The following FSTL5 variants were observed in gnomAD, a reference collection of about 807,000 sequenced individuals.
The protein encoded by FSTL5 is follistatin like 5, also known as follistatin-related protein 5.
Under a neutral mutation model 89.1 loss-of-function variants are expected in FSTL5, and 62 were observed. The ratio of observed to expected loss-of-function variants is 0.70; its 90% CI spans 0.57 to 0.86. The LOEUF (loss-of-function observed/expected upper bound fraction) is 0.86, where lower values mean the gene tolerates loss of function less well. Among genes scored for constraint, FSTL5 ranks in the 40% least tolerant of loss-of-function variants. FSTL5 has a pLI of 0.00. For synonymous variants in FSTL5, 383 were observed against 346.2 expected, an observed-to-expected ratio of 1.11 and a Z score of -1.18; for missense variants, 1,057 against 1,001.6, an observed-to-expected ratio of 1.06 and a Z score of -0.75.
At chr4:161,541,096 A>G (rs932665877) in intron 9 of FSTL5, among the ~76,000 whole-genome samples, 1 of 152,106 alleles carries the variant, frequency 6.6e-6, no homozygotes, top group Non-Finnish European at 1.5e-5. Flanking sequence ...TCACACACAA[A>G]CACTAAAGAA....
At chr4:161,951,509 T>C (rs976516798) in intron 3 of FSTL5, among the ~76,000 whole-genome samples, 2 of 152,154 alleles carry the variant, frequency 1.3e-5, no homozygotes, top group Non-Finnish European at 2.9e-5. Flanking sequence ...CTTCTCTGTC[T>C]TTTTATCATT....
chr4:161,508,066 T>G (rs1011724805), intron 11 of FSTL5, among the ~76,000 whole-genome samples: 6 of 152,020 alleles, frequency 3.9e-5, no homozygotes, highest in African/African-American at 1.4e-4. Context: ...TATTCTAAAT[T>G]GTAAAAATGA....
chr4:162,065,287 G>A (rs1440948795), intron 2 of FSTL5, among the ~76,000 whole-genome samples: 1 of 151,798 alleles, frequency 6.6e-6, no homozygotes, highest in East Asian at 1.9e-4. Flanking sequence ...GTGAAAATAT[G>A]TACAAACCAT....
chr4:161,807,280 G>C (rs6837403), intron 4 of FSTL5, among the ~76,000 whole-genome samples: 10,843 of 151,740 alleles, frequency 0.071, 662 homozygotes, highest in African/African-American at 0.17. Context: ...TGCCCAGCCT[G>C]GTTTCAAACT....
At chr4:161,490,230 G>T (rs989477530) in intron 12 of FSTL5, among the ~76,000 whole-genome samples, 1 of 152,178 alleles carries the variant, frequency 6.6e-6, no homozygotes, top group Non-Finnish European at 1.5e-5. Context: ...CATACAGTTT[G>T]AAGATGGAAC....
At chr4:161,962,771 G>T (rs1735218259) in intron 3 of FSTL5, among the ~76,000 whole-genome samples, 1 of 151,740 alleles carries the variant, frequency 6.6e-6, no homozygotes. Flanking sequence ...TACTCTTTAA[G>T]CCACTATATA....
At chr4:161,950,083 A>T (rs972056330) in intron 3 of FSTL5, among the ~76,000 whole-genome samples, 1 of 152,080 alleles carries the variant, frequency 6.6e-6, no homozygotes, top group Non-Finnish European at 1.5e-5. Flanking sequence ...AATAATGTGA[A>T]TTTCTGAGTC....
At chr4:161,581,660 T>G (rs561199646) in intron 8 of FSTL5, among the ~76,000 whole-genome samples, 1 of 152,344 alleles carries the variant, frequency 6.6e-6, no homozygotes, top group African/African-American at 2.4e-5. Flanking sequence ...GTACAGATGT[T>G]TCCAAACTTT....
rs939265906 is a variant in FSTL5, at chr4:161,455,273, C to A, written c.1717-145G>T. 8.0e-6 allele frequency: 4 copies of A among 502,828 alleles called. No individual in the cohort carries two copies. The Admixed American group carries it at 1.2e-4, about 15-fold the overall frequency. The allele number at this position is 502,828 out of a possible 1,614,324, so 31.1% of individuals were successfully genotyped here. A position where few individuals can be genotyped will look rare whatever the true frequency, so the allele number is the denominator to read the frequency against. ...TCCTCAAAATCAATATATTATTACA[C>A]AAATTACAATTCTGTGACTGTTTTG... is the stretch of plus-strand genomic sequence containing the variant. On this transcript the variant is annotated intron_variant, in intron 14 of 15. Transcript: ENST00000306100.
intron 4 of FSTL5, among the ~76,000 whole-genome samples, chr4:161,826,436 G>A (rs1440855865): frequency 1.3e-5 from 2 of 151,734 alleles, no homozygotes; most frequent in East Asian, 1.9e-4. Flanking sequence ...TTTTGTTGTT[G>A]TTGTTGACTT....
chr4:161,445,715 G>A (rs1189770886), intron 15 of FSTL5, among the ~76,000 whole-genome samples: 2 of 151,940 alleles, frequency 1.3e-5, no homozygotes, highest in Non-Finnish European at 2.9e-5. Flanking sequence ...ATATAATACA[G>A]TTTCTCCACA....
intron 4 of FSTL5, among the ~76,000 whole-genome samples, chr4:161,808,855 T>C (rs1320643030): frequency 6.6e-6 from 1 of 152,118 alleles, no homozygotes; most frequent in African/African-American, 2.4e-5. Context: ...TGAATAGACA[T>C]TTTCCTAGAA....
chr4:161,516,724 T>TACACACACACACAC (rs35139981), intron 10 of FSTL5, among the ~76,000 whole-genome samples: 1 of 127,300 alleles, frequency 7.9e-6, no homozygotes, highest in Admixed American at 8.3e-5. Context: ...TATATATATG[T>TACACACACACACAC]ACACACACAC....
At chr4:161,614,463 T>C (rs1222603295) in intron 7 of FSTL5, among the ~76,000 whole-genome samples, 1 of 152,094 alleles carries the variant, frequency 6.6e-6, no homozygotes, top group African/African-American at 2.4e-5. Context: ...AAATCAGAAG[T>C]ATGAAAAGTA....
intron 8 of FSTL5, among the ~76,000 whole-genome samples, chr4:161,560,360 T>G (rs1339449999): frequency 6.6e-6 from 1 of 151,906 alleles, no homozygotes; most frequent in Non-Finnish European, 1.5e-5. Flanking sequence ...TATACACCAC[T>G]GTACACTATA....
chr4:161,500,127 TC>T lies in FSTL5; in HGVS notation c.1346del (p.Gly449GlufsTer16). ...ANILWREEGL[G>X]IGNMFYVFYE... Reference sequence around the variant, plus strand: ...AAAAAACATAGAACATGTTCCCAATTCCCAGACCTTAGGAATAAAAACACAT... The same window carrying T: ...AAAAAACATAGAACATGTTCCCAATTCCAGACCTTAGGAATAAAAACACAT... On this transcript the variant is annotated frameshift_variant, in exon 12 of 16. Coordinates refer to ENST00000306100, the MANE Select transcript of FSTL5 (RefSeq NM_020116.5). LOFTEE classifies it high-confidence loss of function. The T allele has an allele frequency of 6.4e-7, 1 of 1,568,562 alleles. No homozygotes were observed. The highest frequency in any genetic ancestry group is 8.7e-7 in the Non-Finnish European group (1 of 1,143,976).
At chr4:161,616,859 C>A (rs1304017478) in intron 7 of FSTL5, among the ~76,000 whole-genome samples, 1 of 150,816 alleles carries the variant, frequency 6.6e-6, no homozygotes, top group East Asian at 1.9e-4. Context: ...TGGAACTTAA[C>A]ATTAAATAAA....
At chr4:161,572,080 C>T (rs868255962) in intron 8 of FSTL5, among the ~76,000 whole-genome samples, 2 of 151,762 alleles carry the variant, frequency 1.3e-5, no homozygotes, top group Admixed American at 6.6e-5. Context: ...GAGGCCGAGG[C>T]GGGTGGATCA....
chr4:161,470,786 T>G (rs1296661692), intron 13 of FSTL5, among the ~76,000 whole-genome samples: 1 of 152,202 alleles, frequency 6.6e-6, no homozygotes, highest in African/African-American at 2.4e-5. Context: ...TTTTGTAATT[T>G]CCCTTGTATG....
Sources: gnomAD v4.1 joint callset for allele counts (sites outside exome capture counted in the v4.1 genomes callset) on GRCh38, gnomAD v4.1.1 for gene constraint, MANE v1.5 for transcripts, NCBI Gene and HGNC (gene_info 2026-07-23, HGNC 2026-07-21) for gene names.